Variants in NRK observed in about 807,000 individuals in gnomAD.
NRK encodes the protein nik-related protein kinase.
Under a neutral mutation model 125.2 loss-of-function variants are expected in NRK, and 67 were observed. That is an observed-to-expected ratio of 0.54 (90% confidence interval 0.44 to 0.66). NRK has a LOEUF of 0.66. Among genes scored for constraint, NRK ranks in the 30% least tolerant of loss-of-function variants. NRK has a pLI of 0.00. For missense variants in NRK, 1,224 were observed against 1,192.9 expected, an observed-to-expected ratio of 1.03 and a Z score of -0.38; for synonymous variants, 458 against 429.0, an observed-to-expected ratio of 1.07 and a Z score of -0.84.
In NRK at chrX:105,822,741, G is replaced by C; in HGVS notation, c.-105G>C. On this transcript the variant is annotated 5_prime_UTR_variant, in exon 1 of 29. Coordinates refer to ENST00000243300, the MANE Select transcript of NRK (RefSeq NM_198465.4). The stretch of plus-strand genomic sequence containing the variant: ...CCCGATCCCCAGACTCCTCTCTCCC[G>C]CCCTCCTCCTTCCTCTCTCCTCCCT... 1.3e-6 allele frequency: 1 copy of C among 763,274 alleles called. No homozygotes were observed. 62.9% of individuals were successfully genotyped at this position (763,274 alleles called of 1,213,427 possible).
intron 27 of NRK, 36 bp from the exon 28 acceptor site, chrX:105,952,998 T>C: frequency 1.9e-6 from 2 of 1,065,112 alleles, no homozygotes; most frequent in Non-Finnish European, 2.5e-6. Context: ...CAGAAAGATT[T>C]TGTGTTTTTC....
chrX:105,919,187 A>G (rs2040406811), intron 16 of NRK, among the ~76,000 whole-genome samples: 1 of 110,448 alleles, frequency 9.1e-6, no homozygotes, highest in Non-Finnish European at 1.9e-5. Flanking sequence ...GGACAATAGT[A>G]TTTATCTTGA....
At chrX:105,897,970 T>A (rs1317384863) in intron 7 of NRK, among the ~76,000 whole-genome samples, 1 of 111,873 alleles carries the variant, frequency 8.9e-6, no homozygotes, top group African/African-American at 3.2e-5. Context: ...TCAGCCTTTT[T>A]TCTGTTTCTG....
chrX:105,863,210 C>G (rs1417204327), intron 2 of NRK, among the ~76,000 whole-genome samples: 1 of 110,845 alleles, frequency 9.0e-6, no homozygotes, highest in Non-Finnish European at 1.9e-5. Flanking sequence ...GCAGAAGGTA[C>G]GAAGGCAGTT....
chrX:105,874,524 T>A (rs1467528304), intron 2 of NRK, among the ~76,000 whole-genome samples: 1 of 112,083 alleles, frequency 8.9e-6, no homozygotes, highest in Non-Finnish European at 1.9e-5. Flanking sequence ...ATTTGGGGAA[T>A]TTGGTGTCGC....
At chrX:105,922,848 G>A (rs1330993939) in intron 17 of NRK, among the ~76,000 whole-genome samples, 1 of 110,971 alleles carries the variant, frequency 9.0e-6, no homozygotes, top group East Asian at 2.8e-4. Flanking sequence ...AGCATCAAAA[G>A]CAAGTGTCCA....
chrX:105,942,775 C>T (rs1475295918), intron 23 of NRK, among the ~76,000 whole-genome samples: 1 of 110,164 alleles, frequency 9.1e-6, no homozygotes, highest in Non-Finnish European at 1.9e-5. Context: ...CTTGCCACCA[C>T]ACCCAGCTAT....
At chrX:105,900,181 CACACACACACACAT>C (rs1275991380) in intron 8 of NRK, among the ~76,000 whole-genome samples, 1 of 108,512 alleles carries the variant, frequency 9.2e-6, no homozygotes, top group African/African-American at 3.3e-5. Context: ...CACACACACA[CACACACACACACAT>C]ATCAGTCCTA....
rs2082025498 is a variant in NRK, at chrX:105,894,547, T to A, written c.489+605T>A. Among the ~76,000 whole-genome samples the A allele has an allele frequency of 3.6e-5, 4 of 111,956 alleles. No individual in the cohort carries two copies. The South Asian group carries it at 1.5e-3, about 42-fold the overall frequency. On this transcript the variant is annotated intron_variant, in intron 6 of 28. Coordinates refer to ENST00000243300, the MANE Select transcript of NRK (RefSeq NM_198465.4). ...ATACAATGTTAGAATGTCCTTCCTG[T>A]CATTTTGGTTGGATTCACTTGTGAT...
intron 2 of NRK, among the ~76,000 whole-genome samples, chrX:105,850,261 C>T (rs180888917): frequency 4.5e-5 from 5 of 112,112 alleles, no homozygotes; most frequent in East Asian, 2.8e-4. Context: ...ATAGCTGGAG[C>T]GGCTGGGACA....
At chrX:105,942,074 C>G (rs192428629) in intron 23 of NRK, among the ~76,000 whole-genome samples, 6 of 111,765 alleles carry the variant, frequency 5.4e-5, no homozygotes, top group Non-Finnish European at 1.1e-4. Context: ...TTTTACTTAG[C>G]ATAATATTTT....
In NRK at chrX:105,840,087, C is replaced by T. The variant is rs116514581; in HGVS notation, c.123+8968C>T. Among the ~76,000 whole-genome samples the T allele has an allele frequency of 4.9e-3, 547 of 111,701 alleles. 6 individuals are homozygous for T. Among genetic ancestry groups the T allele is most frequent in the African/African-American group, 0.017 (521 of 30,818 alleles). On this transcript the variant is annotated intron_variant, in intron 2 of 28. Transcript: ENST00000243300. ...TTGGAGAAAAATGGAATATTTCTAT[C>T]TTGGCCGTGACAACTCTCCAACTGT...
Position 105,940,027 on chromosome X carries a change from G to A in NRK, c.3953G>A (p.Ser1318Asn), listed in dbSNP as rs1292410391. The A allele has an allele frequency of 1.8e-5, 21 of 1,161,060 alleles. No individual in the cohort carries two copies. The highest frequency in any genetic ancestry group is 2.3e-5 in the Non-Finnish European group (20 of 862,856). ...IDKLTGCEHFSVLQHEETTYI... is the reference protein window; with the variant it reads ...IDKLTGCEHFNVLQHEETTYI... Reference sequence around the variant, plus strand: ...AAGTTAACAGGCTGTGAACACTTCAGTGTCCGTAAGCCACATTTCATGTTT... The same window carrying A: ...AAGTTAACAGGCTGTGAACACTTCAATGTCCGTAAGCCACATTTCATGTTT... The change falls in exon 23 of 29, where the codon AGT becomes AAT. Residue 1318 changes from serine (S) to asparagine (N), a missense_variant. By Grantham distance (46) the Ser-to-Asn change is conservative. Transcript: ENST00000243300.
intron 5 of NRK, among the ~76,000 whole-genome samples, chrX:105,889,953 C>T (rs746573297): frequency 1.8e-5 from 2 of 112,320 alleles, no homozygotes; most frequent in African/African-American, 3.2e-5. Flanking sequence ...TAACGTTTGG[C>T]TCCTTGTTAC....
chrX:105,909,463 G>T lies in NRK; in HGVS notation c.1822G>T (p.Val608Leu). 1 of 1,209,341 alleles carries T rather than the reference G, an allele frequency of 8.3e-7. No homozygotes were observed. Among genetic ancestry groups the T allele is most frequent in the Non-Finnish European group, 1.1e-6 (1 of 893,873 alleles). The change falls in exon 13 of 29, where the codon GTG (valine) becomes TTG (leucine). Residue 608 changes from valine (V) to leucine (L), a missense_variant. Physicochemically the swap from Val to Leu is conservative, Grantham distance 32. Transcript: ENST00000243300. ...VLLPLHLDTQ[V>L]LIPVEGQTEG... Reference sequence around the variant, plus strand: ...GTTGCCACTACATTTGGATACTCAGGTGCTCATTCCAGTAGAGGGGCAAAC... The same window carrying T: ...GTTGCCACTACATTTGGATACTCAGTTGCTCATTCCAGTAGAGGGGCAAAC...
At chrX:105,835,632 T>C (rs1273241407) in intron 2 of NRK, among the ~76,000 whole-genome samples, 1 of 109,553 alleles carries the variant, frequency 9.1e-6, no homozygotes, top group Non-Finnish European at 1.9e-5. Context: ...GGAGGACTTT[T>C]TTTTTTTTTT....
chrX:105,866,158 A>T (rs2039667825), intron 2 of NRK, among the ~76,000 whole-genome samples: 1 of 111,680 alleles, frequency 9.0e-6, no homozygotes, highest in Non-Finnish European at 1.9e-5. Context: ...AAATGAAATT[A>T]AAAATCTATT....
At chrX:105,851,681 G>A (rs1008413449) in intron 2 of NRK, among the ~76,000 whole-genome samples, 2 of 111,535 alleles carry the variant, frequency 1.8e-5, no homozygotes, top group Non-Finnish European at 3.8e-5. Flanking sequence ...TGTAACAAGG[G>A]TAGTGGTTCC....
chrX:105,847,340 A>T (rs1005477688), intron 2 of NRK, among the ~76,000 whole-genome samples: 1 of 112,674 alleles, frequency 8.9e-6, no homozygotes, highest in Admixed American at 9.4e-5. Flanking sequence ...GCCAAATTAC[A>T]TGGCATGTTA....
Sources: allele counts gnomAD v4.1 joint callset (sites outside exome capture counted in the v4.1 genomes callset), GRCh38; gene constraint gnomAD v4.1.1; transcripts MANE v1.5; gene names NCBI Gene and HGNC (gene_info 2026-07-23, HGNC 2026-07-21).